Variants in COL4A4 observed in about 807,000 individuals in gnomAD.
COL4A4 encodes the protein collagen alpha-4(IV) chain.
Under a neutral mutation model 192.9 loss-of-function variants are expected in COL4A4, and 105 were observed. That is an observed-to-expected ratio of 0.54 (90% CI 0.46 to 0.64). The LOEUF (loss-of-function observed/expected upper bound fraction) is 0.64, where lower values mean the gene tolerates loss of function less well. COL4A4 is among the 30% of genes least tolerant of loss of function. The probability of loss-of-function intolerance (pLI) is 0.00; values close to 1 mark genes in which losing one functional copy is unlikely to be tolerated. For missense variants in COL4A4, 1,967 were observed against 2,169.3 expected, an observed-to-expected ratio of 0.91 and a Z score of 1.85; for synonymous variants, 762 against 769.9, an observed-to-expected ratio of 0.99 and a Z score of 0.17.
At chr2:227,109,684 T>C (rs780732947) in intron 9 of COL4A4, among the ~76,000 whole-genome samples, 6 of 151,874 alleles carry the variant, frequency 4.0e-5, no homozygotes, top group East Asian at 3.9e-4. Context: ...GAATCGGAGA[T>C]TGCAGTGAGC....
chr2:226,974,984 C>T, the COL4A4 span, among the ~76,000 whole-genome samples: 1 of 152,174 alleles, frequency 6.6e-6, no homozygotes, highest in Non-Finnish European at 1.5e-5. Context: ...CTGATGGCCA[C>T]ACGTGAATCA....
At chr2:227,089,998 A>C (rs201355694) in intron 20 of COL4A4, 41 bp from the exon 21 acceptor site, 1 of 1,521,452 alleles carries the variant, frequency 6.6e-7, no homozygotes, top group Non-Finnish European at 9.1e-7. Flanking sequence ...GAATCACATA[A>C]TTTTTCTGAC....
At chr2:227,068,597 A>G (rs1035676239) in intron 25 of COL4A4, among the ~76,000 whole-genome samples, 11 of 152,206 alleles carry the variant, frequency 7.2e-5, no homozygotes, top group Non-Finnish European at 1.5e-4. Flanking sequence ...CAGCATATAA[A>G]CAGAACCAAA....
intron 25 of COL4A4, among the ~76,000 whole-genome samples, chr2:227,073,068 A>G (rs573376539): frequency 6.6e-6 from 1 of 152,094 alleles, no homozygotes; most frequent in South Asian, 2.1e-4. Flanking sequence ...AGAGAAATAA[A>G]TAAACAGCAT....
intron 16 of COL4A4, 47 bp downstream of exon 16, chr2:227,101,817 AT>A (rs758768798): frequency 1.4e-6 from 2 of 1,387,832 alleles, no homozygotes; most frequent in South Asian, 1.2e-5. Context: ...ACTAAATTGC[AT>A]TTACTAATGA....
At chr2:227,065,130 G>A (rs1266912883) in intron 25 of COL4A4, among the ~76,000 whole-genome samples, 1 of 152,098 alleles carries the variant, frequency 6.6e-6, no homozygotes, top group Non-Finnish European at 1.5e-5. Flanking sequence ...GGTGACAGAG[G>A]GCACCTGGAA....
At chr2:226,989,113 C>T in the COL4A4 span, among the ~76,000 whole-genome samples, 1 of 152,190 alleles carries the variant, frequency 6.6e-6, no homozygotes. Context: ...GGTTTGAGTT[C>T]CTGACTCAGC....
chr2:226,990,891 C>A, the COL4A4 span, among the ~76,000 whole-genome samples: 1 of 152,102 alleles, frequency 6.6e-6, no homozygotes, highest in Non-Finnish European at 1.5e-5. Flanking sequence ...TATTCTCTAC[C>A]AAGTTCTTTG....
chr2:226,976,677 G>A, the COL4A4 span, among the ~76,000 whole-genome samples: 1 of 152,144 alleles, frequency 6.6e-6, no homozygotes, highest in Non-Finnish European at 1.5e-5. Context: ...ATTTTGAGAG[G>A]AGGAGAGAAG....
chr2:227,071,178 T>C (rs1020999644), intron 25 of COL4A4, among the ~76,000 whole-genome samples: 2 of 152,024 alleles, frequency 1.3e-5, no homozygotes, highest in African/African-American at 4.8e-5. Context: ...GAAATACTCA[T>C]ATAAACTCAA....
intron 27 of COL4A4, among the ~76,000 whole-genome samples, 191 bp downstream of exon 27, chr2:227,059,945 C>T (rs1405214195): frequency 1.3e-5 from 2 of 151,924 alleles, no homozygotes; most frequent in East Asian, 3.9e-4. Context: ...GCCTTGGCAA[C>T]TTATAAAATT....
At chr2:227,146,961 A>G (rs1419222668) in intron 2 of COL4A4, among the ~76,000 whole-genome samples, 1 of 152,168 alleles carries the variant, frequency 6.6e-6, no homozygotes, top group Non-Finnish European at 1.5e-5. Flanking sequence ...CCATAATTCT[A>G]TCCGTAGCTT....
intron 30 of COL4A4, among the ~76,000 whole-genome samples, chr2:227,055,682 C>T (rs1020665160): frequency 6.6e-6 from 1 of 152,068 alleles, no homozygotes; most frequent in African/African-American, 2.4e-5. Context: ...CTTCCCGACC[C>T]TAGGAGTTTA....
intron 2 of COL4A4, 135 bp downstream of exon 2, chr2:227,147,278 G>A (rs1170456977): frequency 4.8e-6 from 4 of 833,466 alleles, no homozygotes; most frequent in Non-Finnish European, 8.3e-6. Flanking sequence ...GTCATGAAAT[G>A]GCAGACATAC....
the COL4A4 span, chr2:226,988,633 C>T: frequency 7.5e-7 from 1 of 1,330,960 alleles, no homozygotes; most frequent in Non-Finnish European, 9.6e-7. Context: ...CACATTGGCC[C>T]TGGAGCTTCT....
chr2:227,088,386 G>A (rs2059716715), intron 22 of COL4A4, among the ~76,000 whole-genome samples: 1 of 152,090 alleles, frequency 6.6e-6, no homozygotes, highest in Non-Finnish European at 1.5e-5. Flanking sequence ...AATAGTGAGT[G>A]AGTTCTCATG....
chr2:227,032,349 C>A, intron 38 of COL4A4, 73 bp from the exon 39 acceptor site: 1 of 1,537,182 alleles, frequency 6.5e-7, no homozygotes, highest in Non-Finnish European at 8.8e-7. Context: ...GAAAAGGAAC[C>A]ACTTCCCAAT....
chr2:227,012,219 T>G lies in COL4A4; in HGVS notation c.4295A>C (p.Lys1432Thr). The G allele has an allele frequency of 1.2e-6, 2 of 1,614,082 alleles. No individual in the cohort carries two copies. Among genetic ancestry groups the G allele is most frequent in the Non-Finnish European group, 1.7e-6 (2 of 1,179,968 alleles). Residue 1432 changes from lysine to threonine, a missense_variant, in exon 45 of 48, where the codon AAA becomes ACA. Lys to Thr is a moderately conservative substitution (Grantham distance 78, BLOSUM62 -1). Coordinates refer to ENST00000396625, the MANE Select transcript of COL4A4 (RefSeq NM_000092.5). ...GTAGCCGTCTTCTCCTGTGTCACCTTTACGTCCGGGAGGCCCAGGAGACCC... is the reference window on the plus strand; with the variant it reads ...GTAGCCGTCTTCTCCTGTGTCACCTGTACGTCCGGGAGGCCCAGGAGACCC... Reference protein sequence around the residue: ...VPGSPGPPGRKGDTGEDGYPG... With the variant: ...VPGSPGPPGRTGDTGEDGYPG...
At chr2:227,066,698 A>C (rs959152828) in intron 25 of COL4A4, among the ~76,000 whole-genome samples, 6 of 149,932 alleles carry the variant, frequency 4.0e-5, no homozygotes, top group Admixed American at 4.0e-4. Flanking sequence ...GCCTGCCCTA[A>C]AAGAGCTCCT....
Sources: gnomAD v4.1 joint callset for allele counts (sites outside exome capture counted in the v4.1 genomes callset) on GRCh38, gnomAD v4.1.1 for gene constraint, MANE v1.5 for transcripts, NCBI Gene and HGNC (gene_info 2026-07-23, HGNC 2026-07-21) for gene names.